The following FAM110D variants were observed in gnomAD, a reference collection of about 807,000 sequenced individuals.
FAM110D encodes the protein family with sequence similarity 110 member D, also known as protein FAM110D.
For missense variants in FAM110D, 376 were observed against 395.6 expected, an observed-to-expected ratio of 0.95 and a Z score of 0.42; for synonymous variants, 174 against 189.4, an observed-to-expected ratio of 0.92 and a Z score of 0.67.
Position 26,161,813 on chromosome 1 carries a change from G to T in FAM110D, c.522G>T (p.Ala174=). 2 of 1,548,374 alleles carry T rather than the reference G, an allele frequency of 1.3e-6. No individual in the cohort carries two copies. ...RFFNYCGLER[A]LVEVLGAERF... ...TCAACTACTGCGGCCTGGAGCGCGC[G>T]CTGGTGGAGGTGCTGGGCGCAGAGC... Residue 174 remains alanine (A), a synonymous_variant, in exon 2 of 2, where the codon GCG becomes GCT. Transcript: ENST00000374268. This position sits in a 1 kb window ranked among gnomAD's most constrained non-coding sequence, Gnocchi z 5.4.
Position 26,161,876 on chromosome 1 carries a change from G to T in FAM110D, c.585G>T (p.Pro195=), listed in dbSNP as rs769090984. 1.3e-6 allele frequency: 2 copies of T among 1,482,726 alleles called. No homozygotes were observed. Among genetic ancestry groups the T allele is most frequent in the Non-Finnish European group, 8.9e-7 (1 of 1,121,814 alleles). 91.8% of individuals were successfully genotyped at this position (1,482,726 alleles called of 1,614,324 possible). The change falls in exon 2 of 2, where the codon CCG becomes CCT. Residue 195 remains proline (P), a synonymous_variant. Transcript: ENST00000374268. This position sits in a 1 kb window ranked among gnomAD's most constrained non-coding sequence, Gnocchi z 5.4. ...SPQSWGADAS[P]QAGTSPPPGS... ...AGAGCTGGGGAGCCGACGCCAGCCC[G>T]CAGGCCGGAACTTCGCCGCCGCCCG...
chr1:26,163,801 A>C lies in FAM110D; in HGVS notation c.*1694A>C. 2 of 184,900 alleles carry C rather than the reference A, an allele frequency of 1.1e-5. No homozygotes were observed. Among genetic ancestry groups the C allele is most frequent in the Non-Finnish European group, 2.2e-5 (2 of 90,718 alleles). The allele number at this position is 184,900 out of a possible 1,614,324, so 11.5% of individuals were successfully genotyped here. A position where few individuals can be genotyped will look rare whatever the true frequency, so the allele number is the denominator to read the frequency against. ...GACCCGCTGGTACTCTGGGTTCTCT[A>C]GTTAATCTTTGACCTTTTTCCTAGT... On this transcript the variant is annotated 3_prime_UTR_variant, in exon 2 of 2. Transcript: ENST00000374268.
At position 26,161,716 on chromosome 1, in the gene FAM110D, C is replaced by A; in HGVS notation, c.425C>A (p.Ala142Asp). The A allele has an allele frequency of 6.5e-7, 1 of 1,550,378 alleles. No individual in the cohort carries two copies. The highest frequency in any genetic ancestry group is 8.7e-7 in the Non-Finnish European group (1 of 1,147,194). Residue 142 changes from alanine (A) to aspartate (D), a missense_variant, in exon 2 of 2, where the codon GCC (alanine) becomes GAC (aspartate). Coordinates refer to ENST00000374268, the MANE Select transcript of FAM110D (RefSeq NM_024869.3). This position sits in a 1 kb window ranked among gnomAD's most constrained non-coding sequence, Gnocchi z 5.4. ...ASGGWAAPQD[A>D]PEAAGKRALC... ...GGGGGTTGGGCTGCGCCCCAGGATG[C>A]CCCGGAAGCGGCGGGAAAGCGGGCG... is the stretch of plus-strand genomic sequence containing the variant.
At chr1:26,160,796 G>A (rs540447352) in intron 1 of FAM110D, among the ~76,000 whole-genome samples, 9 of 152,334 alleles carry the variant, frequency 5.9e-5, no homozygotes, top group East Asian at 1.9e-4. Context: ...GTTTGGGGGC[G>A]GGAAGGGTGG....
Position 26,161,305 on chromosome 1 carries a change from C to T in FAM110D, c.14C>T (p.Pro5Leu). The change falls in exon 2 of 2, where the codon CCT (proline) becomes CTT (leucine). Residue 5 changes from proline (P) to leucine (L), a missense_variant. Physicochemically the swap from Pro to Leu is moderately conservative, Grantham distance 98. Coordinates refer to ENST00000374268, the MANE Select transcript of FAM110D (RefSeq NM_024869.3). The surrounding 1 kb of genome is among the most constrained non-coding windows in gnomAD (Gnocchi z 5.4). ...AGCTCTGCTAAGATGCTCCTGGCCC[C>T]TCCCTCCACCCCGTCCAGAGGACGG... is the stretch of plus-strand genomic sequence containing the variant. MLLA[P>L]PSTPSRGRTP... 2 of 1,579,908 alleles carry T rather than the reference C, an allele frequency of 1.3e-6. No homozygotes were observed. Among genetic ancestry groups the T allele is most frequent in the Non-Finnish European group, 1.7e-6 (2 of 1,163,326 alleles).
chr1:26,161,874 C>A lies in FAM110D; in HGVS notation c.583C>A (p.Pro195Thr). The A allele has an allele frequency of 6.7e-7, 1 of 1,484,814 alleles. No individual in the cohort carries two copies. Among genetic ancestry groups the A allele is most frequent in the Non-Finnish European group, 8.9e-7 (1 of 1,122,728 alleles). The allele number at this position is 1,484,814 out of a possible 1,614,324, so 92.0% of individuals were successfully genotyped here. ...SPQSWGADASPQAGTSPPPGS... is the reference protein window; with the variant it reads ...SPQSWGADASTQAGTSPPPGS... The stretch of plus-strand genomic sequence containing the variant: ...GCAGAGCTGGGGAGCCGACGCCAGC[C>A]CGCAGGCCGGAACTTCGCCGCCGCC... The change falls in exon 2 of 2, where the codon CCG becomes ACG. Residue 195 changes from proline (P) to threonine (T), a missense_variant. Transcript: ENST00000374268. The surrounding 1 kb of genome is among the most constrained non-coding windows in gnomAD (Gnocchi z 5.4).
At position 26,163,332 on chromosome 1, in the gene FAM110D, C is replaced by CTTTTT. The variant is rs563375331; in HGVS notation, c.*1251_*1255dup. The CTTTTT allele has an allele frequency of 7.8e-5, 3 of 38,370 alleles. No individual in the cohort carries two copies. The highest frequency in any genetic ancestry group is 1.6e-4 in the African/African-American group (2 of 12,134). 2.4% of individuals were successfully genotyped at this position (38,370 alleles called of 1,614,324 possible). ...TCCTTTTCTCTCTGCTCTTCCTTCT[C>CTTTTT]TTTTTTTTTTTTTTTTTTTTTTTTT... is the stretch of plus-strand genomic sequence containing the variant. On this transcript the variant is annotated 3_prime_UTR_variant, in exon 2 of 2. Transcript: ENST00000374268.
chr1:26,162,677 T>C lies in FAM110D; in HGVS notation c.*570T>C, dbSNP rs545627385. ...TGATCTCCACTGGCCTCCAGGTCGATCCAAACTAGAGCTGGGAGCTGGGAA... is the reference window on the plus strand; with the variant it reads ...TGATCTCCACTGGCCTCCAGGTCGACCCAAACTAGAGCTGGGAGCTGGGAA... On this transcript the variant is annotated 3_prime_UTR_variant, in exon 2 of 2. Transcript: ENST00000374268. The surrounding 1 kb of genome is among the most constrained non-coding windows in gnomAD (Gnocchi z 5.3). 3.2e-5 allele frequency: 5 copies of C among 154,610 alleles called. No homozygotes were observed. In the East Asian group the frequency reaches 9.6e-4, roughly 30 times the overall value. The allele number at this position is 154,610 out of a possible 1,614,324, so 9.6% of individuals were successfully genotyped here.
intron 1 of FAM110D, among the ~76,000 whole-genome samples, chr1:26,159,348 G>A (rs948260289): frequency 7.9e-5 from 12 of 152,192 alleles, no homozygotes; most frequent in African/African-American, 1.4e-4. Context: ...TCTGAGGTCC[G>A]GCCTCCAGGC....
chr1:26,162,663 G>A lies in FAM110D; in HGVS notation c.*556G>A, dbSNP rs1395145945. ...TACTAACACTGTTGTGATCTCCACT[G>A]GCCTCCAGGTCGATCCAAACTAGAG... On this transcript the variant is annotated 3_prime_UTR_variant, in exon 2 of 2. Transcript: ENST00000374268. This position sits in a 1 kb window ranked among gnomAD's most constrained non-coding sequence, Gnocchi z 5.3. 6.4e-6 allele frequency: 1 copy of A among 156,212 alleles called. No homozygotes were observed. Among genetic ancestry groups the A allele is most frequent in the Non-Finnish European group, 1.5e-5 (1 of 68,072 alleles). 9.7% of individuals were successfully genotyped at this position (156,212 alleles called of 1,614,324 possible).
Position 26,161,863 on chromosome 1 carries a change from C to A in FAM110D, c.572C>A (p.Ala191Asp). Reference protein sequence around the residue: ...AERFSPQSWGADASPQAGTSP... With the variant: ...AERFSPQSWGDDASPQAGTSP... ...CGCTTCTCCCCGCAGAGCTGGGGAG[C>A]CGACGCCAGCCCGCAGGCCGGAACT... The change falls in exon 2 of 2, where the codon GCC becomes GAC. Residue 191 changes from alanine (A) to aspartate (D), a missense_variant. Ala to Asp is a moderately radical substitution (Grantham distance 126). Transcript: ENST00000374268. The surrounding 1 kb of genome is among the most constrained non-coding windows in gnomAD (Gnocchi z 5.4). 6.7e-7 allele frequency: 1 copy of A among 1,495,486 alleles called. No individual in the cohort carries two copies. Among genetic ancestry groups the A allele is most frequent in the Non-Finnish European group, 8.9e-7 (1 of 1,127,682 alleles). The allele number at this position is 1,495,486 out of a possible 1,614,324, so 92.6% of individuals were successfully genotyped here.
At position 26,161,828 on chromosome 1, in the gene FAM110D, G is replaced by C; in HGVS notation, c.537G>C (p.Leu179=). 6.5e-7 allele frequency: 1 copy of C among 1,545,240 alleles called. No homozygotes were observed. Among genetic ancestry groups the C allele is most frequent in the South Asian group, 1.2e-5 (1 of 83,890 alleles). The change falls in exon 2 of 2, where the codon CTG becomes CTC. Residue 179 remains leucine, a synonymous_variant. Transcript: ENST00000374268. The surrounding 1 kb of genome is among the most constrained non-coding windows in gnomAD (Gnocchi z 5.4). ...CGLERALVEV[L]GAERFSPQSW... ...TGGAGCGCGCGCTGGTGGAGGTGCT[G>C]GGCGCAGAGCGCTTCTCCCCGCAGA...
chr1:26,161,229 C>G lies in FAM110D; in HGVS notation c.-63C>G. The G allele has an allele frequency of 7.0e-7, 1 of 1,437,476 alleles. No homozygotes were observed. Among genetic ancestry groups the G allele is most frequent in the Non-Finnish European group, 9.2e-7 (1 of 1,082,802 alleles). The allele number at this position is 1,437,476 out of a possible 1,614,324, so 89.0% of individuals were successfully genotyped here. A position where few individuals can be genotyped will look rare whatever the true frequency, so the allele number is the denominator to read the frequency against. On this transcript the variant is annotated 5_prime_UTR_variant, in exon 2 of 2. Transcript: ENST00000374268. The surrounding 1 kb of genome is among the most constrained non-coding windows in gnomAD (Gnocchi z 5.4). The stretch of plus-strand genomic sequence containing the variant: ...CCCTGCAGGTCAGTGAGAGCCCAAG[C>G]CAATTGCTCTAGGCCCCGTGGCTGG...
At position 26,162,719 on chromosome 1, in the gene FAM110D, C is replaced by T. The variant is rs1178298377; in HGVS notation, c.*612C>T. The T allele has an allele frequency of 6.6e-6, 1 of 152,282 alleles. No homozygotes were observed. The highest frequency in any genetic ancestry group is 1.5e-5 in the Non-Finnish European group (1 of 68,048). 9.4% of individuals were successfully genotyped at this position (152,282 alleles called of 1,614,324 possible). On this transcript the variant is annotated 3_prime_UTR_variant, in exon 2 of 2. Transcript: ENST00000374268. This position sits in a 1 kb window ranked among gnomAD's most constrained non-coding sequence, Gnocchi z 5.3. ...AGCTGGGAATAATGCGCTTTGGGAG[C>T]CCGAGGAGGCGTCTGCTCCAGAAAT...
rs760062853 is a variant in FAM110D at position 26,161,467 on chromosome 1, G to C, written c.176G>C (p.Gly59Ala). Residue 59 changes from glycine (G) to alanine (A), a missense_variant, in exon 2 of 2, where the codon GGG becomes GCG. Physicochemically the swap from Gly to Ala is moderately conservative, Grantham distance 60. Transcript: ENST00000374268. This position sits in a 1 kb window ranked among gnomAD's most constrained non-coding sequence, Gnocchi z 5.4. ...ACGCCGCACCCCTGCAACGAGCTGG[G>C]GCCCCCTGCATCGCCCAGGACGCCC... ...PLTPHPCNEL[G>A]PPASPRTPRP... The C allele has an allele frequency of 3.2e-6, 5 of 1,562,686 alleles. No individual in the cohort carries two copies. Among genetic ancestry groups the C allele is most frequent in the Non-Finnish European group, 4.3e-6 (5 of 1,154,114 alleles).
Position 26,161,702 on chromosome 1 carries a change from T to A in FAM110D, c.411T>A (p.Ala137=). ...GACCTGCGGCTTCAGGGGGTTGGGC[T>A]GCGCCCCAGGATGCCCCGGAAGCGG... is the stretch of plus-strand genomic sequence containing the variant. ...TERPAASGGW[A]APQDAPEAAG... is the part of the protein sequence containing the mutation. Residue 137 remains alanine (A), a synonymous_variant, in exon 2 of 2, where the codon GCT becomes GCA. Transcript: ENST00000374268. The surrounding 1 kb of genome is among the most constrained non-coding windows in gnomAD (Gnocchi z 5.4). 1 of 1,550,914 alleles carries A rather than the reference T, an allele frequency of 6.4e-7. No homozygotes were observed. Among genetic ancestry groups the A allele is most frequent in the Non-Finnish European group, 8.7e-7 (1 of 1,147,406 alleles).
In FAM110D at chr1:26,163,952, A is replaced by T. The variant is rs541071695; in HGVS notation, c.*1845A>T. 6 of 391,328 alleles carry T rather than the reference A, an allele frequency of 1.5e-5. No individual in the cohort carries two copies. Among genetic ancestry groups the T allele is most frequent in the Non-Finnish European group, 2.7e-5 (6 of 222,292 alleles). The allele number at this position is 391,328 out of a possible 1,614,324, so 24.2% of individuals were successfully genotyped here. A position where few individuals can be genotyped will look rare whatever the true frequency, so the allele number is the denominator to read the frequency against. Reference sequence around the variant, plus strand: ...TGGAAAGTTGTACCTTAAATAAAAAACCCATCCTGATATGCGGGCTGACTC... The same window carrying T: ...TGGAAAGTTGTACCTTAAATAAAAATCCCATCCTGATATGCGGGCTGACTC... On this transcript the variant is annotated 3_prime_UTR_variant, in exon 2 of 2. Coordinates refer to ENST00000374268, the MANE Select transcript of FAM110D (RefSeq NM_024869.3).
intron 1 of FAM110D, 75 bp downstream of exon 1, chr1:26,159,201 C>G (rs2088338322): frequency 6.6e-6 from 1 of 152,408 alleles, no homozygotes; most frequent in African/African-American, 2.4e-5. Context: ...TGGTGCCAAA[C>G]TAGTGAGCCT....
In FAM110D at chr1:26,161,636, C is replaced by T. The variant is rs770525238; in HGVS notation, c.345C>T (p.Ala115=). 5.2e-6 allele frequency: 8 copies of T among 1,551,798 alleles called. No homozygotes were observed. In the South Asian group the frequency reaches 7.1e-5, roughly 14 times the overall value. ...TGGTGCGGCGCCTCTTTCTGGGTGC[C>T]CCGCGGGACGCTGCCCCGAGCAGCC... The part of the protein sequence containing the change: ...QGLVRRLFLG[A]PRDAAPSSPA... Residue 115 remains alanine (A), a synonymous_variant, in exon 2 of 2, where the codon GCC becomes GCT. Coordinates refer to ENST00000374268, the MANE Select transcript of FAM110D (RefSeq NM_024869.3). This position sits in a 1 kb window ranked among gnomAD's most constrained non-coding sequence, Gnocchi z 5.4.
Sources: gnomAD v4.1 joint callset for allele counts (sites outside exome capture counted in the v4.1 genomes callset) on GRCh38, gnomAD v4.1.1 for gene constraint, Gnocchi (gnomAD v3.1) non-coding constraint, MANE v1.5 for transcripts, NCBI Gene and HGNC (gene_info 2026-07-23, HGNC 2026-07-21) for gene names.